GALNT13: variants seen among roughly 807,000 people sequenced by gnomAD.
GALNT13 encodes the protein polypeptide N-acetylgalactosaminyltransferase 13.
In GALNT13, 28 loss-of-function variants were observed where a neutral mutation model predicts 64.2. That is an observed-to-expected ratio of 0.44 (90% CI 0.32 to 0.60). The LOEUF (loss-of-function observed/expected upper bound fraction) is 0.60. Among genes scored for constraint, GALNT13 ranks in the 20% least tolerant of loss-of-function variants. The probability of loss-of-function intolerance (pLI) is 0.05; values close to 1 mark genes in which losing one functional copy is unlikely to be tolerated. For missense variants in GALNT13, 577 were observed against 669.8 expected, an observed-to-expected ratio of 0.86 and a Z score of 1.53; for synonymous variants, 214 against 224.6, an observed-to-expected ratio of 0.95 and a Z score of 0.42.
At chr2:154,410,044 A>AT (rs1361706827) in intron 11 of GALNT13, among the ~76,000 whole-genome samples, 1 of 151,934 alleles carries the variant, frequency 6.6e-6, no homozygotes, top group East Asian at 1.9e-4. Context: ...AAAAAATCCT[A>AT]ATTAGTGTTC....
At chr2:153,749,705 G>A in the GALNT13 span, among the ~76,000 whole-genome samples, 3 of 151,910 alleles carry the variant, frequency 2.0e-5, no homozygotes, top group Non-Finnish European at 4.4e-5. Context: ...CAACTTTGGC[G>A]AGTTTTTCAA....
intron 4 of GALNT13, among the ~76,000 whole-genome samples, chr2:154,227,606 T>C (rs1018070195): frequency 2.6e-5 from 4 of 151,530 alleles, no homozygotes; most frequent in African/African-American, 9.7e-5. Flanking sequence ...TTGCGATAGT[T>C]TGCTGAGAAT....
the GALNT13 span, among the ~76,000 whole-genome samples, chr2:153,858,734 T>A: frequency 2.6e-5 from 4 of 152,060 alleles, no homozygotes; most frequent in Non-Finnish European, 4.4e-5. Context: ...TATTTATGAT[T>A]ATTGTTATTA....
At chr2:154,269,726 G>T (rs1691218078) in intron 8 of GALNT13, among the ~76,000 whole-genome samples, 1 of 150,962 alleles carries the variant, frequency 6.6e-6, no homozygotes, top group Non-Finnish European at 1.5e-5. Context: ...TAGCTTCTGT[G>T]CCTGCAACTA....
At chr2:154,154,586 C>T (rs1684289233) in intron 4 of GALNT13, among the ~76,000 whole-genome samples, 1 of 151,976 alleles carries the variant, frequency 6.6e-6, no homozygotes, top group Admixed American at 6.6e-5. Flanking sequence ...ATTATAGTCA[C>T]ATAGATCTGA....
At chr2:153,513,174 A>G in the GALNT13 span, among the ~76,000 whole-genome samples, 179 of 152,274 alleles carry the variant, frequency 1.2e-3, no homozygotes, top group Middle Eastern at 0.01. Context: ...TCAGACTCTC[A>G]TGTGTTCTTC....
the GALNT13 span, among the ~76,000 whole-genome samples, chr2:153,261,827 C>A: frequency 6.6e-6 from 1 of 152,084 alleles, no homozygotes; most frequent in Non-Finnish European, 1.5e-5. Context: ...GGAGTCTCTT[C>A]CCGTGGCCAC....
the GALNT13 span, among the ~76,000 whole-genome samples, chr2:153,367,097 CAGAG>C: frequency 6.7e-6 from 1 of 149,948 alleles, no homozygotes. Flanking sequence ...GAATGTATCA[CAGAG>C]AGACTGAATC....
intron 3 of GALNT13, among the ~76,000 whole-genome samples, chr2:153,953,231 A>C (rs1000837125): frequency 6.6e-6 from 1 of 152,174 alleles, no homozygotes; most frequent in East Asian, 1.9e-4. Flanking sequence ...TGACATATGC[A>C]TAGGAAATGA....
chr2:154,181,130 A>T (rs1327632609), intron 4 of GALNT13, among the ~76,000 whole-genome samples: 1 of 152,172 alleles, frequency 6.6e-6, no homozygotes, highest in Non-Finnish European at 1.5e-5. Flanking sequence ...TTTCCCATTG[A>T]TACCAAGGAA....
chr2:153,686,695 G>C, the GALNT13 span, among the ~76,000 whole-genome samples: 3 of 152,072 alleles, frequency 2.0e-5, no homozygotes, highest in Non-Finnish European at 4.4e-5. Flanking sequence ...GGAGTGGTGA[G>C]AGAGGGCATC....
chr2:154,047,213 T>C (rs745398128), intron 3 of GALNT13, among the ~76,000 whole-genome samples: 1 of 152,172 alleles, frequency 6.6e-6, no homozygotes, highest in Non-Finnish European at 1.5e-5. Context: ...TTGAATACAT[T>C]TGCTAAAGCT....
At chr2:153,551,336 G>A in the GALNT13 span, among the ~76,000 whole-genome samples, 5 of 152,276 alleles carry the variant, frequency 3.3e-5, no homozygotes, top group East Asian at 7.7e-4. Flanking sequence ...AACCAATAGA[G>A]CATTTGGAGC....
the GALNT13 span, among the ~76,000 whole-genome samples, chr2:153,374,753 C>A: frequency 2.0e-5 from 3 of 152,208 alleles, no homozygotes; most frequent in East Asian, 3.9e-4. Flanking sequence ...TAATCTCCTC[C>A]CTCCATCCCT....
intron 4 of GALNT13, among the ~76,000 whole-genome samples, chr2:154,240,267 T>C (rs559232494): frequency 6.6e-6 from 1 of 152,334 alleles, no homozygotes; most frequent in Non-Finnish European, 1.5e-5. Flanking sequence ...TGTACCTTGA[T>C]TGATTGCTTG....
At chr2:154,112,742 C>G (rs1463928619) in intron 3 of GALNT13, among the ~76,000 whole-genome samples, 1 of 152,208 alleles carries the variant, frequency 6.6e-6, no homozygotes, top group African/African-American at 2.4e-5. Flanking sequence ...TGTAGTGTTG[C>G]AGCTGTTCAC....
At chr2:153,104,991 C>T in the GALNT13 span, among the ~76,000 whole-genome samples, 1 of 149,714 alleles carries the variant, frequency 6.7e-6, no homozygotes, top group African/African-American at 2.4e-5. Flanking sequence ...CCCATTAACT[C>T]GTCATTTAGC....
At chr2:153,746,274 G>C in the GALNT13 span, among the ~76,000 whole-genome samples, 1 of 152,042 alleles carries the variant, frequency 6.6e-6, no homozygotes. Context: ...CCCCTAGTAA[G>C]TATATACCTC....
At chr2:153,588,038 C>T in the GALNT13 span, among the ~76,000 whole-genome samples, 3 of 152,250 alleles carry the variant, frequency 2.0e-5, no homozygotes, top group Non-Finnish European at 2.9e-5. Flanking sequence ...AAATGATCTC[C>T]TTTGACTCCA....
Sources: gnomAD v4.1 joint callset for allele counts (sites outside exome capture counted in the v4.1 genomes callset) on GRCh38, gnomAD v4.1.1 for gene constraint, MANE v1.5 for transcripts, NCBI Gene and HGNC (gene_info 2026-07-23, HGNC 2026-07-21) for gene names.